RNF150: variants seen among roughly 807,000 people sequenced by gnomAD.
RNF150 encodes the protein ring finger protein 150.
Under a neutral mutation model 39.3 loss-of-function variants are expected in RNF150, and 24 were observed. The observed-to-expected ratio is 0.61, with a 90% CI of 0.44 to 0.86. RNF150 has a LOEUF of 0.86. Among genes scored for constraint, RNF150 ranks in the 40% least tolerant of loss-of-function variants. The pLI is 0.00. For synonymous variants in RNF150, 255 were observed against 227.3 expected, an observed-to-expected ratio of 1.12 and a Z score of -1.10; for missense variants, 502 against 587.8, an observed-to-expected ratio of 0.85 and a Z score of 1.51.
intron 5 of RNF150, among the ~76,000 whole-genome samples, chr4:140,924,651 G>C (rs1731317036): frequency 6.6e-6 from 1 of 152,150 alleles, no homozygotes; most frequent in Admixed American, 6.5e-5. Flanking sequence ...CAAAAACTGA[G>C]CTCAGCTTTC....
At chr4:141,077,794 C>CT (rs1737950547) in intron 1 of RNF150, among the ~76,000 whole-genome samples, 1 of 152,258 alleles carries the variant, frequency 6.6e-6, no homozygotes, top group Admixed American at 6.5e-5. Context: ...TATCCTGGCC[C>CT]TGTGCCCATG....
At chr4:140,879,717 G>A (rs1459829657) in intron 6 of RNF150, among the ~76,000 whole-genome samples, 4 of 152,046 alleles carry the variant, frequency 2.6e-5, no homozygotes, top group Non-Finnish European at 1.5e-5. Flanking sequence ...AGCTATTTGG[G>A]AGGCTAAGCT....
At chr4:140,912,959 T>TAGAAAA (rs1560962313) in intron 5 of RNF150, among the ~76,000 whole-genome samples, 29 of 138,148 alleles carry the variant, frequency 2.1e-4, no homozygotes, top group Non-Finnish European at 2.7e-4. Flanking sequence ...CATCAGAACA[T>TAGAAAA]AAAAAAAAAA....
intron 1 of RNF150, among the ~76,000 whole-genome samples, chr4:141,096,190 C>CTTTTT (rs780868429): frequency 0.012 from 808 of 67,624 alleles, 9 homozygotes; most frequent in East Asian, 0.014. Flanking sequence ...TTTTAGCTTT[C>CTTTTT]TTTTTTTTTT....
intron 1 of RNF150, among the ~76,000 whole-genome samples, chr4:141,211,206 AGT>A (rs920445399): frequency 5.2e-4 from 79 of 152,284 alleles, no homozygotes; most frequent in Admixed American, 1.2e-3. Context: ...ATGTTTACTT[AGT>A]GTCTAAATAA....
rs1423140516 is a variant in RNF150, at chr4:140,866,665, T to C, written c.*1596A>G. 6.6e-6 allele frequency: 1 copy of C among 152,196 alleles called. No homozygotes were observed. The highest frequency in any genetic ancestry group is 2.4e-5 in the African/African-American group (1 of 41,460). 9.4% of individuals were successfully genotyped at this position (152,196 alleles called of 1,614,324 possible). ...ACAGCAGAACCAAACTCTTTTTGAA[T>C]GAGTATTAGTCTAATGAGGTGGAAA... On this transcript the variant is annotated 3_prime_UTR_variant, in exon 7 of 7. Coordinates refer to ENST00000515673, the MANE Select transcript of RNF150 (RefSeq NM_020724.2).
intron 6 of RNF150, among the ~76,000 whole-genome samples, chr4:140,879,393 T>G (rs1729291545): frequency 6.7e-6 from 1 of 148,294 alleles, no homozygotes; most frequent in African/African-American, 2.5e-5. Context: ...TATTTATGTC[T>G]TAACTTTTTT....
chr4:141,132,604 T>C lies in RNF150; in HGVS notation c.205A>G (p.Thr69Ala). The part of the protein sequence containing the change: ...AAGGGGAELH[T>A]EKTECGRYGE... ...TAGCGCCCGCACTCCGTCTTCTCCG[T>C]GTGCAGCTCCGCGCCGCCGCCGCCC... Residue 69 changes from threonine (T) to alanine (A), a missense_variant, in exon 1 of 7, where the codon ACG (threonine) becomes GCG (alanine). Thr to Ala is a moderately conservative substitution (Grantham distance 58). Transcript: ENST00000515673. The surrounding 1 kb of genome is among the most constrained non-coding windows in gnomAD (Gnocchi z 4.9). The C allele has an allele frequency of 6.5e-7, 1 of 1,548,816 alleles. No homozygotes were observed. The highest frequency in any genetic ancestry group is 8.7e-7 in the Non-Finnish European group (1 of 1,149,468).
chr4:140,983,827 C>G (rs1030592765), intron 1 of RNF150, among the ~76,000 whole-genome samples: 13 of 150,926 alleles, frequency 8.6e-5, no homozygotes, highest in Non-Finnish European at 1.9e-4. Flanking sequence ...GCAGCCTCTG[C>G]CTTCCAGGTT....
In RNF150 at chr4:141,011,541, T is replaced by C. The variant is rs1182909116; in HGVS notation, c.485-43668A>G. The stretch of plus-strand genomic sequence containing the variant: ...TGTCCAGACAACATGTCTAAATAAC[T>C]CAAAAATAAACATTAAGGTCAAGTA... On this transcript the variant is annotated intron_variant, in intron 1 of 6. Coordinates refer to ENST00000515673, the MANE Select transcript of RNF150 (RefSeq NM_020724.2). Among the ~76,000 whole-genome samples the C allele has an allele frequency of 3.9e-5, 6 of 152,330 alleles. No homozygotes were observed. In the East Asian group the frequency reaches 1.2e-3, roughly 29 times the overall value.
chr4:141,148,821 A>G (rs942609893), intron 1 of RNF150, among the ~76,000 whole-genome samples: 6 of 152,092 alleles, frequency 3.9e-5, no homozygotes, highest in Admixed American at 2.6e-4. Flanking sequence ...CCATTTTCAA[A>G]TTTTTGGTCT....
intron 6 of RNF150, among the ~76,000 whole-genome samples, chr4:140,872,644 T>G (rs902677662): frequency 6.6e-6 from 1 of 152,116 alleles, no homozygotes; most frequent in African/African-American, 2.4e-5. Flanking sequence ...GGATGAAGGA[T>G]CTACAGGAAA....
chr4:140,899,545 G>A (rs1175792330), intron 6 of RNF150, among the ~76,000 whole-genome samples: 1 of 152,078 alleles, frequency 6.6e-6, no homozygotes, highest in Non-Finnish European at 1.5e-5. Context: ...GGTGGTGGTG[G>A]TGGTGTGTGT....
At chr4:141,062,388 TAC>T (rs143501224) in intron 1 of RNF150, among the ~76,000 whole-genome samples, 10 of 151,824 alleles carry the variant, frequency 6.6e-5, no homozygotes, top group South Asian at 2.1e-4. Context: ...TATGTATGTC[TAC>T]ACACACACAC....
chr4:140,894,236 AT>A (rs1729858502), intron 6 of RNF150, among the ~76,000 whole-genome samples: 2 of 60,206 alleles, frequency 3.3e-5, no homozygotes, highest in Admixed American at 3.5e-4. Context: ...CAAAATAGGC[AT>A]TAATAAATCT....
rs1726912553 is a variant in RNF150, at chr4:141,132,234, T to G, written c.484+91A>C. The G allele has an allele frequency of 3.5e-5, 48 of 1,370,046 alleles. 1 individual carries two copies. In the South Asian group the frequency reaches 6.2e-4, roughly 18 times the overall value. 84.9% of individuals were successfully genotyped at this position (1,370,046 alleles called of 1,614,324 possible). A position where few individuals can be genotyped will look rare whatever the true frequency, so the allele number is the denominator to read the frequency against. On this transcript the variant is annotated intron_variant, in intron 1 of 6. Coordinates refer to ENST00000515673, the MANE Select transcript of RNF150 (RefSeq NM_020724.2). This position sits in a 1 kb window ranked among gnomAD's most constrained non-coding sequence, Gnocchi z 4.9. ...ACACGTCTTCCGCGCCGCACGGACT[T>G]CCCAGAAGGAGCCTGGAGGCAGGCG...
intron 1 of RNF150, among the ~76,000 whole-genome samples, chr4:141,199,266 G>A (rs1418417444): frequency 6.6e-6 from 1 of 152,188 alleles, no homozygotes; most frequent in Non-Finnish European, 1.5e-5. Context: ...ACACATTGCT[G>A]GTGGGATTGC....
chr4:141,195,774 G>T (rs995753192), intron 1 of RNF150, among the ~76,000 whole-genome samples: 2 of 152,166 alleles, frequency 1.3e-5, no homozygotes, highest in African/African-American at 4.8e-5. Flanking sequence ...CAATCTGAGG[G>T]TTTTATCAGT....
At chr4:141,099,592 C>A (rs1251272029) in intron 1 of RNF150, among the ~76,000 whole-genome samples, 1 of 152,040 alleles carries the variant, frequency 6.6e-6, no homozygotes, top group Non-Finnish European at 1.5e-5. Context: ...GAAAATTGGG[C>A]TCCTGGAAAG....
Sources: allele counts gnomAD v4.1 joint callset (sites outside exome capture counted in the v4.1 genomes callset), GRCh38; gene constraint gnomAD v4.1.1; non-coding constraint Gnocchi (gnomAD v3.1); transcripts MANE v1.5; gene names NCBI Gene and HGNC (gene_info 2026-07-23, HGNC 2026-07-21).